Variants in RGPD2 observed in about 807,000 individuals in gnomAD.
RGPD2 encodes the protein RANBP2-like and GRIP domain-containing protein 2.
RGPD2 carries 2 observed loss-of-function variants against 36.0 expected under a neutral mutation model. That is an observed-to-expected ratio of 0.06 (90% CI 0.02 to 0.17). The LOEUF is 0.17. Among genes scored for constraint, RGPD2 ranks in the 10% least tolerant of loss-of-function variants. The pLI, the probability that RGPD2 is intolerant of heterozygous loss-of-function variation, is 1.00. For missense variants in RGPD2, 40 were observed against 464.3 expected (o/e 0.09, Z 8.40); for synonymous variants, 19 against 163.8 (o/e 0.12, Z 6.75).
At chr2:87,918,713 G>A in the RGPD2 span, among the ~76,000 whole-genome samples, 5 of 151,890 alleles carry the variant, frequency 3.3e-5, no homozygotes, top group East Asian at 1.9e-4. Context: ...AATGGTCCAC[G>A]TCTTAGACTG....
At chr2:87,805,623 G>A (rs1377981835) in intron 7 of RGPD2, among the ~76,000 whole-genome samples, 1 of 151,580 alleles carries the variant, frequency 6.6e-6, no homozygotes, top group Non-Finnish European at 1.5e-5. Context: ...ACTTTGGGAG[G>A]CCGAGGCAGG....
chr2:87,769,319 A>G (rs1282289856), intron 22 of RGPD2, among the ~76,000 whole-genome samples: 1 of 152,054 alleles, frequency 6.6e-6, no homozygotes, highest in African/African-American at 2.4e-5. Flanking sequence ...CTGCTGCTAA[A>G]CCATCATTGT....
chr2:87,952,228 T>C, the RGPD2 span, among the ~76,000 whole-genome samples: 1 of 152,206 alleles, frequency 6.6e-6, no homozygotes, highest in Non-Finnish European at 1.5e-5. Flanking sequence ...AAATTTTTAC[T>C]ATTTTTAATT....
chr2:87,976,587 G>A, the RGPD2 span, among the ~76,000 whole-genome samples: 1 of 151,990 alleles, frequency 6.6e-6, no homozygotes, highest in African/African-American at 2.4e-5. Flanking sequence ...AATAATACCT[G>A]GGTTCTTATC....
the RGPD2 span, among the ~76,000 whole-genome samples, chr2:87,847,280 T>C: frequency 6.6e-6 from 1 of 152,260 alleles, no homozygotes; most frequent in East Asian, 1.9e-4. Context: ...CTCATATCTA[T>C]ATTCAAATCT....
the RGPD2 span, among the ~76,000 whole-genome samples, chr2:87,973,828 G>A: frequency 6.7e-6 from 1 of 148,992 alleles, no homozygotes; most frequent in Non-Finnish European, 1.5e-5. Flanking sequence ...CCTAATAATA[G>A]GACCTATTTC....
At chr2:87,974,920 A>G in the RGPD2 span, among the ~76,000 whole-genome samples, 1 of 152,082 alleles carries the variant, frequency 6.6e-6, no homozygotes, top group Non-Finnish European at 1.5e-5. Context: ...CATTTACCAT[A>G]TACCATAGAG....
chr2:87,864,491 A>G, the RGPD2 span, among the ~76,000 whole-genome samples: 1 of 152,258 alleles, frequency 6.6e-6, no homozygotes, highest in Non-Finnish European at 1.5e-5. Context: ...CAGCTTGCAG[A>G]TAGCAGAACA....
At chr2:87,964,815 A>ATTTATTT in the RGPD2 span, among the ~76,000 whole-genome samples, 3 of 77,878 alleles carry the variant, frequency 3.9e-5, no homozygotes, top group African/African-American at 1.1e-4. Flanking sequence ...TTATTTATTT[A>ATTTATTT]TTTTTCTTTT....
the RGPD2 span, among the ~76,000 whole-genome samples, chr2:87,857,488 G>A: frequency 4.6e-5 from 7 of 151,390 alleles, no homozygotes; most frequent in South Asian, 2.1e-4. Context: ...GACTACAGGC[G>A]CCCGCCTCCA....
At chr2:87,915,582 GTATATACACATATATATGTGTGTGTATA>G in the RGPD2 span, among the ~76,000 whole-genome samples, 24 of 140,556 alleles carry the variant, frequency 1.7e-4, no homozygotes, top group East Asian at 1.6e-3. Context: ...ATATGTGTGT[GTATATACACATATATATGTGTGTGTATA>G]TATATACACA....
At chr2:87,955,252 G>C in the RGPD2 span, among the ~76,000 whole-genome samples, 3 of 148,006 alleles carry the variant, frequency 2.0e-5, no homozygotes, top group Non-Finnish European at 4.4e-5. Flanking sequence ...CTGACCTCGT[G>C]ATCCACCCCC....
chr2:87,769,621 G>C (rs1685063820), intron 22 of RGPD2, among the ~76,000 whole-genome samples: 1 of 151,686 alleles, frequency 6.6e-6, no homozygotes, highest in South Asian at 2.1e-4. Context: ...AACATGCTGA[G>C]CTTTTAAAAG....
chr2:87,875,711 G>C, the RGPD2 span, among the ~76,000 whole-genome samples: 15 of 152,262 alleles, frequency 9.9e-5, no homozygotes, highest in African/African-American at 3.6e-4. Context: ...CCAGGTTTTG[G>C]TATCAGGATG....
chr2:87,855,059 T>C, the RGPD2 span, among the ~76,000 whole-genome samples: 2 of 152,148 alleles, frequency 1.3e-5, no homozygotes, highest in Admixed American at 6.5e-5. Flanking sequence ...ATCTACTCTC[T>C]CTTAGCAAAT....
chr2:87,877,399 G>A, the RGPD2 span, among the ~76,000 whole-genome samples: 9 of 152,392 alleles, frequency 5.9e-5, no homozygotes, highest in South Asian at 2.1e-4. Flanking sequence ...CAGGCCTTGT[G>A]GTAATGAATT....
At chr2:87,963,918 C>T in the RGPD2 span, among the ~76,000 whole-genome samples, 1 of 144,462 alleles carries the variant, frequency 6.9e-6, no homozygotes, top group Non-Finnish European at 1.5e-5. Context: ...TCATTGCAAC[C>T]TCTGCCTCCC....
chr2:87,989,107 A>G, the RGPD2 span: 1 of 471,762 alleles, frequency 2.1e-6, no homozygotes, highest in Admixed American at 4.4e-5. Flanking sequence ...TCTCAATCGT[A>G]CCTAACTCAG....
the RGPD2 span, among the ~76,000 whole-genome samples, chr2:87,886,575 C>T: frequency 2.0e-5 from 3 of 151,282 alleles, no homozygotes; most frequent in Non-Finnish European, 4.4e-5. Flanking sequence ...TCATATTATA[C>T]ATAATTGTTT....
Sources: allele counts gnomAD v4.1 joint callset (sites outside exome capture counted in the v4.1 genomes callset), GRCh38; gene constraint gnomAD v4.1.1; transcripts MANE v1.5; gene names NCBI Gene and HGNC (gene_info 2026-07-23, HGNC 2026-07-21).